The following PIGL variants were observed in gnomAD, a reference collection of about 807,000 sequenced individuals.
PIGL encodes the protein phosphatidylinositol glycan anchor biosynthesis class L, also known as N-acetylglucosaminyl-phosphatidylinositol de-N-acetylase.
In PIGL, 22 loss-of-function variants were observed where a neutral mutation model predicts 31.1. The ratio of observed to expected loss-of-function variants is 0.71; its 90% confidence interval spans 0.51 to 1.01. The LOEUF (loss-of-function observed/expected upper bound fraction) is 1.01, where lower values mean the gene tolerates loss of function less well. PIGL is among the 50% of genes least tolerant of loss of function. The probability of loss-of-function intolerance (pLI) is 0.00; values close to 1 mark genes in which losing one functional copy is unlikely to be tolerated. For synonymous variants in PIGL, 131 were observed against 117.4 expected, an observed-to-expected ratio of 1.12 and a Z score of -0.75; for missense variants, 302 against 315.9, an observed-to-expected ratio of 0.96 and a Z score of 0.33.
chr17:16,311,667 G>A (rs555548762), intron 3 of PIGL, among the ~76,000 whole-genome samples: 7 of 148,400 alleles, frequency 4.7e-5, no homozygotes, highest in Non-Finnish European at 1.0e-4. Flanking sequence ...GACTCTTAAC[G>A]AGCATGCTGC....
At chr17:16,222,880 T>C (rs923830247) in intron 1 of PIGL, among the ~76,000 whole-genome samples, 2 of 151,882 alleles carry the variant, frequency 1.3e-5, no homozygotes, top group Non-Finnish European at 2.9e-5. Flanking sequence ...GGTGTGGTGG[T>C]GCATGCCTGT....
Position 16,326,036 on chromosome 17 carries a change from T to C in PIGL, c.*138T>C, listed in dbSNP as rs1004226880. 2 of 646,940 alleles carry C rather than the reference T, an allele frequency of 3.1e-6. No homozygotes were observed. The highest frequency in any genetic ancestry group is 3.6e-5 in the African/African-American group (2 of 54,840). 40.1% of individuals were successfully genotyped at this position (646,940 alleles called of 1,614,324 possible). A position where few individuals can be genotyped will look rare whatever the true frequency, so the allele number is the denominator to read the frequency against. On this transcript the variant is annotated 3_prime_UTR_variant, in exon 7 of 7. Transcript: ENST00000225609. Reference sequence around the variant, plus strand: ...AGCAGCCTCTGCAAAAGGGAGCCCATGTAGGCCAGGGGCTGTCCAAACTCC... The same window carrying C: ...AGCAGCCTCTGCAAAAGGGAGCCCACGTAGGCCAGGGGCTGTCCAAACTCC...
chr17:16,220,617 T>G (rs1193041472), intron 1 of PIGL, among the ~76,000 whole-genome samples: 1 of 150,488 alleles, frequency 6.6e-6, no homozygotes, highest in African/African-American at 2.4e-5. Flanking sequence ...GCCTCTGGAG[T>G]AGCGGGATTA....
intron 4 of PIGL, among the ~76,000 whole-genome samples, chr17:16,315,737 A>G (rs1236794829): frequency 2.7e-5 from 2 of 73,162 alleles, no homozygotes; most frequent in Non-Finnish European, 4.9e-5. Flanking sequence ...TTTTTTTGAG[A>G]CAGAGTCTCG....
intron 3 of PIGL, among the ~76,000 whole-genome samples, chr17:16,304,259 G>A (rs1001042009): frequency 6.6e-6 from 1 of 152,238 alleles, no homozygotes; most frequent in Middle Eastern, 3.2e-3. Context: ...AGACAGAGGT[G>A]TGGAGCACAG....
At chr17:16,312,088 G>GC (rs899662260) in intron 3 of PIGL, among the ~76,000 whole-genome samples, 7 of 141,398 alleles carry the variant, frequency 5.0e-5, no homozygotes, top group Admixed American at 7.0e-5. Context: ...GGTGGGGGCT[G>GC]CCCCCCCACC....
intron 2 of PIGL, among the ~76,000 whole-genome samples, chr17:16,270,861 C>T (rs1164232967): frequency 6.6e-6 from 1 of 151,118 alleles, no homozygotes; most frequent in Non-Finnish European, 1.5e-5. Context: ...CAACTGCATT[C>T]CAGCCTGTGC....
intron 2 of PIGL, among the ~76,000 whole-genome samples, chr17:16,254,546 G>A (rs527531201): frequency 6.6e-6 from 1 of 152,242 alleles, no homozygotes; most frequent in East Asian, 1.9e-4. Context: ...GGGATTACAG[G>A]CGTGAGCCAC....
At chr17:16,264,544 G>T (rs893338725) in intron 2 of PIGL, among the ~76,000 whole-genome samples, 1 of 152,016 alleles carries the variant, frequency 6.6e-6, no homozygotes, top group Non-Finnish European at 1.5e-5. Flanking sequence ...CTCACAAGGA[G>T]TTTTGTGTAT....
At chr17:16,258,163 T>G (rs1600788752) in intron 2 of PIGL, among the ~76,000 whole-genome samples, 1 of 136,024 alleles carries the variant, frequency 7.4e-6, no homozygotes, top group Non-Finnish European at 1.5e-5. Flanking sequence ...GAGAGAAAAC[T>G]CGGAAGTAGA....
intron 6 of PIGL, among the ~76,000 whole-genome samples, chr17:16,319,020 G>C (rs1373109548): frequency 6.6e-6 from 1 of 151,172 alleles, no homozygotes; most frequent in Non-Finnish European, 1.5e-5. Flanking sequence ...TTGGGAGGCC[G>C]GGGTGGGTGG....
chr17:16,296,313 A>G (rs1427615683), intron 2 of PIGL, among the ~76,000 whole-genome samples: 1 of 152,092 alleles, frequency 6.6e-6, no homozygotes, highest in Non-Finnish European at 1.5e-5. Context: ...AAGGGACTGC[A>G]AGAAAGAAGG....
chr17:16,292,352 T>A (rs1295414527), intron 2 of PIGL, among the ~76,000 whole-genome samples: 1 of 151,800 alleles, frequency 6.6e-6, no homozygotes, highest in South Asian at 2.1e-4. Context: ...ATTGTACTTA[T>A]TAGTTTTTCG....
chr17:16,297,521 T>C (rs2092987584), intron 2 of PIGL, among the ~76,000 whole-genome samples: 3 of 152,210 alleles, frequency 2.0e-5, no homozygotes, highest in African/African-American at 7.2e-5. Flanking sequence ...TTAATACATT[T>C]ATGTGAACCT....
chr17:16,307,162 T>A (rs2093029808), intron 3 of PIGL, among the ~76,000 whole-genome samples: 1 of 152,224 alleles, frequency 6.6e-6, no homozygotes, highest in Admixed American at 6.5e-5. Flanking sequence ...CCTAAACTGG[T>A]GCTGACTCTT....
At chr17:16,271,359 T>C (rs772954416) in intron 2 of PIGL, among the ~76,000 whole-genome samples, 1 of 152,190 alleles carries the variant, frequency 6.6e-6, no homozygotes, top group African/African-American at 2.4e-5. Flanking sequence ...TTAGATTATC[T>C]CTGAGGTTTT....
intron 1 of PIGL, among the ~76,000 whole-genome samples, chr17:16,218,613 A>C (rs1490594635): frequency 6.6e-6 from 1 of 151,970 alleles, no homozygotes; most frequent in Non-Finnish European, 1.5e-5. Flanking sequence ...TTAATTTTTA[A>C]AATTGGCTGT....
At chr17:16,286,773 T>C (rs113366412) in intron 2 of PIGL, among the ~76,000 whole-genome samples, 1 of 152,144 alleles carries the variant, frequency 6.6e-6, no homozygotes. Flanking sequence ...TAGTCTCTCC[T>C]CAGAGCCAGA....
intron 2 of PIGL, among the ~76,000 whole-genome samples, chr17:16,296,663 T>A (rs948338966): frequency 3.3e-5 from 5 of 151,196 alleles, no homozygotes; most frequent in East Asian, 1.9e-4. Flanking sequence ...CTTTTTTTTT[T>A]AAAGGAGGGT....
Sources: allele counts gnomAD v4.1 joint callset (sites outside exome capture counted in the v4.1 genomes callset), GRCh38; gene constraint gnomAD v4.1.1; transcripts MANE v1.5; gene names NCBI Gene and HGNC (gene_info 2026-07-23, HGNC 2026-07-21).